PCMTD1: variants seen among roughly 807,000 people sequenced by gnomAD.
PCMTD1 encodes protein-L-isoaspartate O-methyltransferase domain-containing protein 1.
In PCMTD1, 12 loss-of-function variants were observed where a neutral mutation model predicts 37.6. The ratio of observed to expected loss-of-function variants is 0.32; its 90% confidence interval spans 0.20 to 0.52. PCMTD1 has a LOEUF of 0.52. PCMTD1 is among the 20% of genes least tolerant of loss of function. PCMTD1 has a pLI of 0.97. For synonymous variants in PCMTD1, 117 were observed against 135.8 expected, an observed-to-expected ratio of 0.86 and a Z score of 0.96; for missense variants, 235 against 421.3, an observed-to-expected ratio of 0.56 and a Z score of 3.87.
intron 5 of PCMTD1, among the ~76,000 whole-genome samples, chr8:51,824,535 G>A (rs1439067003): frequency 6.6e-6 from 1 of 152,060 alleles, no homozygotes; most frequent in Non-Finnish European, 1.5e-5. Flanking sequence ...CACTGTTCAA[G>A]GAAATAAGAG....
Position 51,817,808 on chromosome 8 carries a change from C to T in PCMTD1, c.*2543G>A, listed in dbSNP as rs890168804. ...ATTTAAATTATCTTCTTGGGTTGGT[C>T]TGAGGTTGCTGATGGATTCTTGGGA... On this transcript the variant is annotated 3_prime_UTR_variant, in exon 6 of 6. Coordinates refer to ENST00000522514, the MANE Select transcript of PCMTD1 (RefSeq NM_052937.4). 1 of 456,384 alleles carries T rather than the reference C, an allele frequency of 2.2e-6. No homozygotes were observed. Among genetic ancestry groups the T allele is most frequent in the Non-Finnish European group, 4.4e-6 (1 of 226,926 alleles). 28.3% of individuals were successfully genotyped at this position (456,384 alleles called of 1,614,324 possible).
At chr8:51,853,397 A>G (rs1238146603) in intron 2 of PCMTD1, among the ~76,000 whole-genome samples, 5 of 152,334 alleles carry the variant, frequency 3.3e-5, no homozygotes, top group Admixed American at 1.3e-4. Context: ...AGAAAAACAA[A>G]GACAATTCTG....
chr8:51,819,795 A>AT lies in PCMTD1; in HGVS notation c.*555dup, dbSNP rs1266822702. Reference sequence around the variant, plus strand: ...TGTAAAATTTCATAAAATTTGTGGGATTTTTTAAAGCTAAATTATTCAATA... The same window carrying AT: ...TGTAAAATTTCATAAAATTTGTGGGATTTTTTTAAAGCTAAATTATTCAATA... On this transcript the variant is annotated 3_prime_UTR_variant, in exon 6 of 6. Coordinates refer to ENST00000522514, the MANE Select transcript of PCMTD1 (RefSeq NM_052937.4). 1.3e-5 allele frequency: 2 copies of AT among 152,584 alleles called. No individual in the cohort carries two copies. Among genetic ancestry groups the AT allele is most frequent in the African/African-American group, 4.8e-5 (2 of 41,450 alleles). 9.5% of individuals were successfully genotyped at this position (152,584 alleles called of 1,614,324 possible). A position where few individuals can be genotyped will look rare whatever the true frequency, so the allele number is the denominator to read the frequency against.
chr8:51,889,916 G>T (rs1439416840), intron 1 of PCMTD1, among the ~76,000 whole-genome samples: 1 of 148,820 alleles, frequency 6.7e-6, no homozygotes, highest in African/African-American at 2.5e-5. Flanking sequence ...ATATATTAGT[G>T]TGAAGTGAAT....
rs73592227 is a variant in PCMTD1, at chr8:51,862,291, T to C, written c.-95-1045A>G. On this transcript the variant is annotated intron_variant, in intron 1 of 5. Coordinates refer to ENST00000522514, the MANE Select transcript of PCMTD1 (RefSeq NM_052937.4). ...TTGTTTTGTTTAGTAAACCTTGTTG[T>C]GACAGAAACCACAAATTTTATTAAT... Among the ~76,000 whole-genome samples, 611 of 152,164 alleles carry C rather than the reference T, an allele frequency of 4.0e-3. 3 individuals are homozygous for C. Among genetic ancestry groups the C allele is most frequent in the African/African-American group, 0.014 (583 of 41,524 alleles).
intron 1 of PCMTD1, among the ~76,000 whole-genome samples, chr8:51,862,970 C>A (rs1258692497): frequency 6.6e-6 from 1 of 151,968 alleles, no homozygotes; most frequent in Admixed American, 6.6e-5. Context: ...ACTATTCCTT[C>A]AACAGGTCTT....
intron 2 of PCMTD1, 57 bp downstream of exon 2, chr8:51,860,788 A>C: frequency 7.2e-7 from 1 of 1,382,182 alleles, no homozygotes; most frequent in Admixed American, 2.4e-5. Flanking sequence ...ATAAATCATA[A>C]ACCATAATAC....
chr8:51,852,910 C>T (rs1215000840), intron 2 of PCMTD1, among the ~76,000 whole-genome samples: 1 of 152,094 alleles, frequency 6.6e-6, no homozygotes, highest in African/African-American at 2.4e-5. Context: ...TGGGGACAGG[C>T]CTCACTTCTG....
chr8:51,835,715 T>G (rs776639609), intron 3 of PCMTD1, among the ~76,000 whole-genome samples: 3 of 152,178 alleles, frequency 2.0e-5, no homozygotes, highest in Non-Finnish European at 4.4e-5. Flanking sequence ...TTATCAAACA[T>G]GTTAAATCAA....
chr8:51,874,463 C>T (rs2038684440), intron 1 of PCMTD1, among the ~76,000 whole-genome samples: 1 of 152,084 alleles, frequency 6.6e-6, no homozygotes, highest in East Asian at 1.9e-4. Context: ...GTCTTTGCTC[C>T]AGAAAACCAG....
Position 51,818,048 on chromosome 8 carries a change from C to A in PCMTD1, c.*2303G>T, listed in dbSNP as rs747534130. The A allele has an allele frequency of 7.2e-6, 3 of 419,408 alleles. No individual in the cohort carries two copies. The highest frequency in any genetic ancestry group is 2.7e-5 in the Admixed American group (1 of 36,832). 26.0% of individuals were successfully genotyped at this position (419,408 alleles called of 1,614,324 possible). On this transcript the variant is annotated 3_prime_UTR_variant, in exon 6 of 6. Coordinates refer to ENST00000522514, the MANE Select transcript of PCMTD1 (RefSeq NM_052937.4). ...TAATCTTTATTTGCTACTTTTCCAC[C>A]TATAAAGCGTAATTTTCCATATCAA... is the stretch of plus-strand genomic sequence containing the variant.
At chr8:51,839,395 G>C (rs923745825) in intron 3 of PCMTD1, 2 of 933,700 alleles carry the variant, frequency 2.1e-6, no homozygotes, top group African/African-American at 3.6e-5. Context: ...AGATATCTCG[G>C]TTTAGAACAT....
intron 1 of PCMTD1, among the ~76,000 whole-genome samples, chr8:51,875,962 CTGTGTG>C (rs982300718): frequency 1.2e-5 from 1 of 86,666 alleles, no homozygotes; most frequent in Non-Finnish European, 3.2e-5. Flanking sequence ...GTGTGTGTGT[CTGTGTG>C]TGTGTGTGTG....
rs543244342 is a variant in PCMTD1 at position 51,858,772 on chromosome 8, G to C, written c.307+2073C>G. Among the ~76,000 whole-genome samples the C allele has an allele frequency of 2.5e-4, 38 of 152,156 alleles. No homozygotes were observed. In the South Asian group the frequency reaches 6.2e-3, roughly 25 times the overall value. ...CAGGATCATACAAAGATAAATCCTG[G>C]AATAGTATCCAGGAGCCACTGCCAT... On this transcript the variant is annotated intron_variant, in intron 2 of 5. Coordinates refer to ENST00000522514, the MANE Select transcript of PCMTD1 (RefSeq NM_052937.4).
intron 1 of PCMTD1, among the ~76,000 whole-genome samples, chr8:51,885,006 T>C: frequency 6.6e-6 from 1 of 152,216 alleles, no homozygotes; most frequent in East Asian, 1.9e-4. Flanking sequence ...AATAATCCTT[T>C]ACACTAAACA....
At chr8:51,888,436 T>C (rs2038893490) in intron 1 of PCMTD1, among the ~76,000 whole-genome samples, 1 of 152,108 alleles carries the variant, frequency 6.6e-6, no homozygotes, top group African/African-American at 2.4e-5. Context: ...ATTAAGACAT[T>C]TAGGAGCAGG....
Position 51,817,755 on chromosome 8 carries a change from C to A in PCMTD1, c.*2596G>T. The A allele has an allele frequency of 2.3e-6, 1 of 429,526 alleles. No homozygotes were observed. Among genetic ancestry groups the A allele is most frequent in the Non-Finnish European group, 4.6e-6 (1 of 215,824 alleles). The allele number at this position is 429,526 out of a possible 1,614,324, so 26.6% of individuals were successfully genotyped here. The stretch of plus-strand genomic sequence containing the variant: ...CATTTTTCTTTATTAATACTAGAAC[C>A]AAATATATTGACCAATAAGCAGTAT... On this transcript the variant is annotated 3_prime_UTR_variant, in exon 6 of 6. Coordinates refer to ENST00000522514, the MANE Select transcript of PCMTD1 (RefSeq NM_052937.4).
intron 1 of PCMTD1, among the ~76,000 whole-genome samples, chr8:51,867,256 T>C (rs1318808678): frequency 6.6e-6 from 1 of 152,128 alleles, no homozygotes; most frequent in Non-Finnish European, 1.5e-5. Context: ...TGAAAATTAA[T>C]ACAGCTTTAT....
intron 1 of PCMTD1, among the ~76,000 whole-genome samples, chr8:51,865,114 C>A (rs150484736): frequency 5.8e-4 from 88 of 152,144 alleles, no homozygotes; most frequent in Non-Finnish European, 1.0e-3. Context: ...GTACAACCTA[C>A]CCAAGTTGAA....
Sources: allele counts gnomAD v4.1 joint callset (sites outside exome capture counted in the v4.1 genomes callset), GRCh38; gene constraint gnomAD v4.1.1; transcripts MANE v1.5; gene names NCBI Gene and HGNC (gene_info 2026-07-23, HGNC 2026-07-21).